Variants in IL23A observed in about 807,000 individuals in gnomAD.
IL23A encodes the protein interleukin-23 subunit alpha.
In IL23A, 16 loss-of-function variants were observed where a neutral mutation model predicts 20.7. That is an observed-to-expected ratio of 0.77 (90% CI 0.52 to 1.17). IL23A has a LOEUF of 1.17. Ranked by LOEUF, IL23A falls within the 50% of genes most tolerant of loss-of-function variation. IL23A has a pLI of 0.00. For missense variants in IL23A, 175 were observed against 229.5 expected, an observed-to-expected ratio of 0.76 and a Z score of 1.53; for synonymous variants, 80 against 88.7, an observed-to-expected ratio of 0.90 and a Z score of 0.55.
In IL23A at chr12:56,340,169, C is replaced by T. The variant is rs1314946324; in HGVS notation, c.*65C>T. The T allele has an allele frequency of 6.5e-7, 1 of 1,528,220 alleles. No homozygotes were observed. The highest frequency in any genetic ancestry group is 8.9e-7 in the Non-Finnish European group (1 of 1,123,506). The allele number at this position is 1,528,220 out of a possible 1,614,324, so 94.7% of individuals were successfully genotyped here. Reference sequence around the variant, plus strand: ...CAGCAAGGCCAAGATAAATCTACCACCCCAGGCACCTGTGAGCCAACAGGT... The same window carrying T: ...CAGCAAGGCCAAGATAAATCTACCATCCCAGGCACCTGTGAGCCAACAGGT... On this transcript the variant is annotated 3_prime_UTR_variant, in exon 4 of 4. Coordinates refer to ENST00000228534, the MANE Select transcript of IL23A (RefSeq NM_016584.3).
intron 3 of IL23A, 46 bp downstream of exon 3, chr12:56,339,883 A>T: frequency 6.2e-7 from 1 of 1,609,884 alleles, no homozygotes; most frequent in Non-Finnish European, 8.5e-7. Context: ...GGTGTCAGAG[A>T]CAGAGGGTTG....
At chr12:56,339,642 A>G (rs201540723) in intron 2 of IL23A, 49 bp from the exon 3 acceptor site, 84 of 1,608,380 alleles carry the variant, frequency 5.2e-5, no homozygotes, top group Non-Finnish European at 7.0e-5. Flanking sequence ...TCTTCAGTGA[A>G]TGGAGTAGGA....
At chr12:56,339,918 C>T (rs755630983) in intron 3 of IL23A, 25 bp from the exon 4 acceptor site, 1 of 1,613,730 alleles carries the variant, frequency 6.2e-7, no homozygotes, top group Admixed American at 1.7e-5. Context: ...AGAGTCTTCT[C>T]TGACTGTGTC....
chr12:56,339,253 G>A, intron 1 of IL23A, 47 bp downstream of exon 1: 1 of 1,534,216 alleles, frequency 6.5e-7, no homozygotes, highest in Non-Finnish European at 8.8e-7. Context: ...GCTCTCCAAG[G>A]CTGTGGCAGA....
At position 56,340,161 on chromosome 12, in the gene IL23A, ATC is replaced by A; in HGVS notation, c.*59_*60del. On this transcript the variant is annotated 3_prime_UTR_variant, in exon 4 of 4. Transcript: ENST00000228534. Reference sequence around the variant, plus strand: ...CCATGGCCCAGCAAGGCCAAGATAAATCTACCACCCCAGGCACCTGTGAGCCA... The same window carrying A: ...CCATGGCCCAGCAAGGCCAAGATAAATACCACCCCAGGCACCTGTGAGCCA... The A allele has an allele frequency of 1.3e-6, 2 of 1,565,098 alleles. No individual in the cohort carries two copies. The highest frequency in any genetic ancestry group is 1.7e-6 in the Non-Finnish European group (2 of 1,147,788).
rs540360762 is a variant in IL23A at position 56,338,940 on chromosome 12, G to A, written c.-105G>A. 4.1e-6 allele frequency: 4 copies of A among 970,062 alleles called. No individual in the cohort carries two copies. Among genetic ancestry groups the A allele is most frequent in the Non-Finnish European group, 5.5e-6 (4 of 722,128 alleles). The allele number at this position is 970,062 out of a possible 1,614,324, so 60.1% of individuals were successfully genotyped here. ...ACTGAGGGAACCAAACCAGAGACGCGCTGAACAGAGAGAATCAGGCTCAAA... is the reference window on the plus strand; with the variant it reads ...ACTGAGGGAACCAAACCAGAGACGCACTGAACAGAGAGAATCAGGCTCAAA... On this transcript the variant is annotated 5_prime_UTR_variant, in exon 1 of 4. Coordinates refer to ENST00000228534, the MANE Select transcript of IL23A (RefSeq NM_016584.3).
At chr12:56,339,371 G>A in intron 1 of IL23A, 55 bp from the exon 2 acceptor site, 1 of 1,441,940 alleles carries the variant, frequency 6.9e-7, no homozygotes, top group African/African-American at 1.4e-5. Context: ...GTCCAGGTTG[G>A]CTTCAGAAGT....
Position 56,338,943 on chromosome 12 carries a change from G to A in IL23A, c.-102G>A. On this transcript the variant is annotated 5_prime_UTR_variant, in exon 1 of 4. Coordinates refer to ENST00000228534, the MANE Select transcript of IL23A (RefSeq NM_016584.3). ...GAGGGAACCAAACCAGAGACGCGCT[G>A]AACAGAGAGAATCAGGCTCAAAGCA... 9.9e-7 allele frequency: 1 copy of A among 1,007,628 alleles called. No homozygotes were observed. The highest frequency in any genetic ancestry group is 4.0e-5 in the South Asian group (1 of 25,186). The allele number at this position is 1,007,628 out of a possible 1,614,324, so 62.4% of individuals were successfully genotyped here.
chr12:56,340,006 C>T lies in IL23A; in HGVS notation c.472C>T (p.Arg158Cys), dbSNP rs202189915. Residue 158 changes from arginine (R) to cysteine (C), a missense_variant, in exon 4 of 4, where the codon CGT becomes TGT. By Grantham distance (180) the Arg-to-Cys change is radical (BLOSUM62 -3). Transcript: ENST00000228534. ...CCTCAGTCCCAGCCAGCCATGGCAG[C>T]GTCTCCTTCTCCGCTTCAAAATCCT... The part of the protein sequence containing the change: ...PSLSPSQPWQ[R>C]LLLRFKILRS... 1.5e-5 allele frequency: 25 copies of T among 1,614,078 alleles called. No individual in the cohort carries two copies. Among genetic ancestry groups the T allele is most frequent in the Non-Finnish European group, 1.8e-5 (21 of 1,180,034 alleles).
chr12:56,339,132 T>G lies in IL23A; in HGVS notation c.88T>G (p.Trp30Gly). The G allele has an allele frequency of 6.3e-7, 1 of 1,588,126 alleles. No homozygotes were observed. The highest frequency in any genetic ancestry group is 8.6e-7 in the Non-Finnish European group (1 of 1,163,526). ...RAVPGGSSPAWTQCQQLSQKL... is the reference protein window; with the variant it reads ...RAVPGGSSPAGTQCQQLSQKL... ...TGTGCCTGGGGGCAGCAGCCCTGCC[T>G]GGACTCAGTGCCAGCAGCTTTCACA... The change falls in exon 1 of 4, where the codon TGG becomes GGG. Residue 30 changes from tryptophan (W) to glycine (G), a missense_variant. Transcript: ENST00000228534.
intron 2 of IL23A, 38 bp from the exon 3 acceptor site, chr12:56,339,653 A>G (rs758098526): frequency 6.2e-7 from 1 of 1,610,488 alleles, no homozygotes; most frequent in Non-Finnish European, 8.5e-7. Context: ...TGGAGTAGGA[A>G]GAGGGTGTCC....
Position 56,339,963 on chromosome 12 carries a change from G to C in IL23A, c.429G>C (p.Glu143Asp), listed in dbSNP as rs778300397. Residue 143 changes from glutamate to aspartate, a missense_variant, in exon 4 of 4, where the codon GAG becomes GAC. Transcript: ENST00000228534. ...TTCAGCCTGAGGGTCACCACTGGGA[G>C]ACTCAGCAGATTCCAAGCCTCAGTC... ...QLLQPEGHHW[E>D]TQQIPSLSPS... 1 of 1,614,166 alleles carries C rather than the reference G, an allele frequency of 6.2e-7. No homozygotes were observed. The highest frequency in any genetic ancestry group is 2.2e-5 in the East Asian group (1 of 44,878).
chr12:56,338,993 C>G lies in IL23A; in HGVS notation c.-52C>G. 1 of 1,326,386 alleles carries G rather than the reference C, an allele frequency of 7.5e-7. No individual in the cohort carries two copies. Among genetic ancestry groups the G allele is most frequent in the Non-Finnish European group, 9.8e-7 (1 of 1,025,110 alleles). 82.2% of individuals were successfully genotyped at this position (1,326,386 alleles called of 1,614,324 possible). A position where few individuals can be genotyped will look rare whatever the true frequency, so the allele number is the denominator to read the frequency against. On this transcript the variant is annotated 5_prime_UTR_variant, in exon 1 of 4. Transcript: ENST00000228534. ...AAGTGGAAGTGGGCAGAGATTCCAC[C>G]AGGACTGGTGCAAGGCGCAGAGCCA...
In IL23A at chr12:56,339,988, C is replaced by G; in HGVS notation, c.454C>G (p.Pro152Ala). Residue 152 changes from proline to alanine, a missense_variant, in exon 4 of 4, where the codon CCC becomes GCC. Physicochemically the swap from Pro to Ala is conservative, Grantham distance 27 (BLOSUM62 -1). Coordinates refer to ENST00000228534, the MANE Select transcript of IL23A (RefSeq NM_016584.3). ...WETQQIPSLSPSQPWQRLLLR... is the reference protein window; with the variant it reads ...WETQQIPSLSASQPWQRLLLR... ...GACTCAGCAGATTCCAAGCCTCAGT[C>G]CCAGCCAGCCATGGCAGCGTCTCCT... is the stretch of plus-strand genomic sequence containing the variant. The G allele has an allele frequency of 6.2e-7, 1 of 1,614,174 alleles. No homozygotes were observed. The highest frequency in any genetic ancestry group is 8.5e-7 in the Non-Finnish European group (1 of 1,180,016).
chr12:56,339,339 T>C (rs528081209), intron 1 of IL23A, 87 bp from the exon 2 acceptor site: 94 of 1,377,144 alleles, frequency 6.8e-5, no homozygotes, highest in Non-Finnish European at 9.5e-5. Context: ...GTAGGGTTCC[T>C]GGGAGAGTCA....
intron 1 of IL23A, 58 bp from the exon 2 acceptor site, chr12:56,339,368 T>A (rs1405282137): frequency 7.0e-7 from 1 of 1,425,580 alleles, no homozygotes; most frequent in African/African-American, 1.4e-5. Context: ...AGGGTCCAGG[T>A]TGGCTTCAGA....
Position 56,339,182 on chromosome 12 carries a change from T to G in IL23A, c.138T>G (p.Ser46Arg). ...LSQKLCTLAWSAHPLVGHMDL... is the reference protein window; with the variant it reads ...LSQKLCTLAWRAHPLVGHMDL... ...AGAAGCTCTGCACACTGGCCTGGAGTGCACATCCACTAGTGGGACACATGG... is the reference window on the plus strand; with the variant it reads ...AGAAGCTCTGCACACTGGCCTGGAGGGCACATCCACTAGTGGGACACATGG... The change falls in exon 1 of 4, where the codon AGT becomes AGG. Residue 46 changes from serine (S) to arginine (R), a missense_variant. Transcript: ENST00000228534. The G allele has an allele frequency of 1.3e-6, 2 of 1,550,184 alleles. No homozygotes were observed. The highest frequency in any genetic ancestry group is 1.7e-6 in the Non-Finnish European group (2 of 1,147,572).
In IL23A at chr12:56,338,997, A is replaced by C; in HGVS notation, c.-48A>C. The C allele has an allele frequency of 7.5e-7, 1 of 1,327,228 alleles. No individual in the cohort carries two copies. Among genetic ancestry groups the C allele is most frequent in the Non-Finnish European group, 9.8e-7 (1 of 1,024,072 alleles). 82.2% of individuals were successfully genotyped at this position (1,327,228 alleles called of 1,614,324 possible). Reference sequence around the variant, plus strand: ...GGAAGTGGGCAGAGATTCCACCAGGACTGGTGCAAGGCGCAGAGCCAGCCA... The same window carrying C: ...GGAAGTGGGCAGAGATTCCACCAGGCCTGGTGCAAGGCGCAGAGCCAGCCA... On this transcript the variant is annotated 5_prime_UTR_variant, in exon 1 of 4. Coordinates refer to ENST00000228534, the MANE Select transcript of IL23A (RefSeq NM_016584.3).
chr12:56,339,053 G>A lies in IL23A; in HGVS notation c.9G>A (p.Gly3=). 7.1e-7 allele frequency: 1 copy of A among 1,401,558 alleles called. No individual in the cohort carries two copies. Among genetic ancestry groups the A allele is most frequent in the Non-Finnish European group, 9.4e-7 (1 of 1,068,090 alleles). 86.8% of individuals were successfully genotyped at this position (1,401,558 alleles called of 1,614,324 possible). A position where few individuals can be genotyped will look rare whatever the true frequency, so the allele number is the denominator to read the frequency against. Residue 3 remains glycine (G), a synonymous_variant, in exon 1 of 4, where the codon GGG becomes GGA. Transcript: ENST00000228534. Reference sequence around the variant, plus strand: ...GAGAAGAAGGCAAAAAGATGCTGGGGAGCAGAGCTGTAATGCTGCTGTTGC... The same window carrying A: ...GAGAAGAAGGCAAAAAGATGCTGGGAAGCAGAGCTGTAATGCTGCTGTTGC... The part of the protein sequence containing the change: ML[G]SRAVMLLLLL...
Sources: gnomAD v4.1 joint callset for allele counts on GRCh38, gnomAD v4.1.1 for gene constraint, MANE v1.5 for transcripts, NCBI Gene and HGNC (gene_info 2026-07-23, HGNC 2026-07-21) for gene names.